Variants in TAFA1 observed in about 807,000 individuals in gnomAD.
TAFA1 encodes the protein chemokine-like protein TAFA-1.
TAFA1 carries 4 observed loss-of-function variants against 18.5 expected under a neutral mutation model. That is an observed-to-expected ratio of 0.22 (90% CI 0.11 to 0.49). The LOEUF is 0.49. Ranked by LOEUF, TAFA1 falls within the 20% of genes least tolerant of loss-of-function variation. The probability of loss-of-function intolerance (pLI) is 0.98; values close to 1 mark genes in which losing one functional copy is unlikely to be tolerated. For synonymous variants in TAFA1, 56 were observed against 55.2 expected (o/e 1.01, Z -0.06); for missense variants, 147 against 169.0 (o/e 0.87, Z 0.72).
At chr3:68,365,956 G>A (rs1005070203) in intron 2 of TAFA1, among the ~76,000 whole-genome samples, 32 of 151,708 alleles carry the variant, frequency 2.1e-4, no homozygotes, top group Admixed American at 5.9e-4. Context: ...ATGGTGGCAC[G>A]TGCCTGTAGT....
At chr3:68,304,378 G>T (rs1021389341) in intron 2 of TAFA1, among the ~76,000 whole-genome samples, 2 of 152,100 alleles carry the variant, frequency 1.3e-5, no homozygotes, top group African/African-American at 4.8e-5. Flanking sequence ...CCTAGCAAAA[G>T]GTCTTTCTGG....
At chr3:68,508,409 T>C (rs770879036) in intron 3 of TAFA1, among the ~76,000 whole-genome samples, 1 of 152,124 alleles carries the variant, frequency 6.6e-6, no homozygotes, top group Non-Finnish European at 1.5e-5. Flanking sequence ...ACAACAGTTA[T>C]TGAACTTTCA....
At chr3:68,476,358 T>G (rs2072096872) in intron 3 of TAFA1, among the ~76,000 whole-genome samples, 1 of 152,174 alleles carries the variant, frequency 6.6e-6, no homozygotes, top group Non-Finnish European at 1.5e-5. Context: ...AGAAAAGTGC[T>G]CGGGACCTGT....
At chr3:68,041,282 A>G (rs1381433619) in intron 2 of TAFA1, among the ~76,000 whole-genome samples, 1 of 152,222 alleles carries the variant, frequency 6.6e-6, no homozygotes, top group East Asian at 1.9e-4. Context: ...AAATGACCTG[A>G]TTAAAAATAA....
intron 2 of TAFA1, among the ~76,000 whole-genome samples, chr3:68,028,215 G>A (rs920788742): frequency 3.3e-5 from 5 of 152,164 alleles, no homozygotes; most frequent in South Asian, 2.1e-4. Context: ...CAGGAGAATC[G>A]CTTGAGCCTG....
At chr3:68,061,255 T>C (rs1287716849) in intron 2 of TAFA1, among the ~76,000 whole-genome samples, 1 of 152,170 alleles carries the variant, frequency 6.6e-6, no homozygotes, top group Non-Finnish European at 1.5e-5. Flanking sequence ...AGTGTCAGGT[T>C]GAGAGTTGTG....
At position 68,410,705 on chromosome 3, in the gene TAFA1, C is replaced by CAAAAAAAAAAA. The variant is rs34714719; in HGVS notation, c.119-6557_119-6547dup. On this transcript the variant is annotated intron_variant, in intron 2 of 4. Transcript: ENST00000478136. The stretch of plus-strand genomic sequence containing the variant: ...CAAAAAAGAGACCATTTTCCATAAG[C>CAAAAAAAAAAA]AAAAAAAAAAAAAAAAAAAAAAAAA... 4.7e-3 allele frequency among the ~76,000 whole-genome samples: 171 copies of CAAAAAAAAAAA among 36,654 alleles called. 47 individuals are homozygous for CAAAAAAAAAAA. Among genetic ancestry groups the CAAAAAAAAAAA allele is most frequent in the East Asian group, 0.012 (14 of 1,160 alleles). The allele number at this position is 36,654 out of a possible 152,430, so 24.0% of individuals were successfully genotyped here. A position where few individuals can be genotyped will look rare whatever the true frequency, so the allele number is the denominator to read the frequency against.
intron 3 of TAFA1, among the ~76,000 whole-genome samples, chr3:68,473,466 T>C (rs1314404736): frequency 6.6e-6 from 1 of 152,134 alleles, no homozygotes; most frequent in Non-Finnish European, 1.5e-5. Context: ...AACTTTCCAG[T>C]CTATTTTTTT....
At chr3:68,523,671 T>C (rs946030552) in intron 3 of TAFA1, among the ~76,000 whole-genome samples, 4 of 152,242 alleles carry the variant, frequency 2.6e-5, no homozygotes, top group African/African-American at 9.6e-5. Context: ...TTCAGTATAA[T>C]AGATCATTTT....
At chr3:68,420,309 G>C (rs971828192) in intron 3 of TAFA1, among the ~76,000 whole-genome samples, 6 of 152,110 alleles carry the variant, frequency 3.9e-5, no homozygotes, top group African/African-American at 1.4e-4. Context: ...CACCCAGGTG[G>C]TGTGCCATGG....
At chr3:68,284,377 C>T (rs1194208323) in intron 2 of TAFA1, among the ~76,000 whole-genome samples, 1 of 152,078 alleles carries the variant, frequency 6.6e-6, no homozygotes, top group Non-Finnish European at 1.5e-5. Context: ...CAAGGGAACT[C>T]TTGTACATTT....
chr3:68,289,205 G>A (rs1559601295), intron 2 of TAFA1, among the ~76,000 whole-genome samples: 6 of 152,072 alleles, frequency 3.9e-5, no homozygotes. Context: ...TACATATGTT[G>A]CATATGAATT....
chr3:68,392,483 C>G (rs962709781), intron 2 of TAFA1, among the ~76,000 whole-genome samples: 3 of 152,206 alleles, frequency 2.0e-5, no homozygotes, highest in African/African-American at 7.2e-5. Flanking sequence ...ATATTCAGGA[C>G]TTGAACTCAG....
chr3:68,340,820 T>A (rs1425357022), intron 2 of TAFA1, among the ~76,000 whole-genome samples: 1 of 152,158 alleles, frequency 6.6e-6, no homozygotes, highest in East Asian at 1.9e-4. Context: ...TAAGTTACAA[T>A]TTAATGAGGA....
intron 2 of TAFA1, among the ~76,000 whole-genome samples, chr3:68,361,306 T>C (rs148908821): frequency 7.3e-4 from 111 of 152,082 alleles, no homozygotes; most frequent in African/African-American, 2.6e-3. Context: ...CTCATGGAGA[T>C]AGACAATAGA....
chr3:68,272,666 A>T (rs529578589), intron 2 of TAFA1, among the ~76,000 whole-genome samples: 2 of 152,144 alleles, frequency 1.3e-5, no homozygotes, highest in African/African-American at 4.8e-5. Context: ...TAGTTTCCTC[A>T]TCTATGAAAG....
intron 2 of TAFA1, among the ~76,000 whole-genome samples, chr3:68,085,781 G>C (rs980444746): frequency 3.1e-4 from 47 of 152,246 alleles, no homozygotes; most frequent in African/African-American, 1.1e-3. Context: ...CTTTAGCTGA[G>C]TGGGTTTTCA....
chr3:68,064,709 T>C (rs73834808), intron 2 of TAFA1, among the ~76,000 whole-genome samples: 6,285 of 149,322 alleles, frequency 0.042, 192 homozygotes, highest in East Asian at 0.11. Context: ...AAATATTTTG[T>C]GTTTTGTGTA....
At chr3:68,424,924 C>T (rs1292617447) in intron 3 of TAFA1, among the ~76,000 whole-genome samples, 1 of 151,998 alleles carries the variant, frequency 6.6e-6, no homozygotes, top group Non-Finnish European at 1.5e-5. Flanking sequence ...GCTGTAGAGT[C>T]TGTGGACTAT....
Sources: gnomAD v4.1 joint callset for allele counts (sites outside exome capture counted in the v4.1 genomes callset) on GRCh38, gnomAD v4.1.1 for gene constraint, MANE v1.5 for transcripts, NCBI Gene and HGNC (gene_info 2026-07-23, HGNC 2026-07-21) for gene names.